Variants in VAV2 observed in about 807,000 individuals in gnomAD.
VAV2 encodes vav guanine nucleotide exchange factor 2, also known as guanine nucleotide exchange factor VAV2.
VAV2 carries 67 observed loss-of-function variants against 132.5 expected under a neutral mutation model. The ratio of observed to expected loss-of-function variants is 0.51; its 90% CI spans 0.42 to 0.62. The LOEUF (loss-of-function observed/expected upper bound fraction) is 0.62, where lower values mean the gene tolerates loss of function less well. Ranked by LOEUF, VAV2 falls within the 20% of genes least tolerant of loss-of-function variation. The pLI is 0.00. For synonymous variants in VAV2, 492 were observed against 443.5 expected (o/e 1.11, Z -1.37); for missense variants, 938 against 1,153.6 (o/e 0.81, Z 2.71).
At chr9:133,784,082 C>T (rs1202096699) in intron 18 of VAV2, among the ~76,000 whole-genome samples, 3 of 152,162 alleles carry the variant, frequency 2.0e-5, no homozygotes, top group Non-Finnish European at 4.4e-5. Flanking sequence ...AGTTTTGCCA[C>T]GTTGCCAGGC....
chr9:133,987,144 G>A (rs1215310466), intron 1 of VAV2, among the ~76,000 whole-genome samples: 2 of 152,154 alleles, frequency 1.3e-5, no homozygotes, highest in Non-Finnish European at 2.9e-5. Flanking sequence ...CCTGGAAGGG[G>A]GGCAGCCACA....
At chr9:133,797,857 G>T (rs767961970) in intron 9 of VAV2, 48 bp from the exon 10 acceptor site, 5 of 1,574,712 alleles carry the variant, frequency 3.2e-6, no homozygotes, top group Non-Finnish European at 4.3e-6. Flanking sequence ...TTAATGAGCA[G>T]CTCGGGGCTG....
At chr9:133,924,578 C>T (rs1429976224) in intron 2 of VAV2, among the ~76,000 whole-genome samples, 2 of 152,328 alleles carry the variant, frequency 1.3e-5, no homozygotes, top group Middle Eastern at 3.4e-3. Context: ...TACACTAAGT[C>T]ACCTACACTG....
chr9:133,887,297 T>C (rs1838750731), intron 2 of VAV2, among the ~76,000 whole-genome samples: 2 of 152,252 alleles, frequency 1.3e-5, no homozygotes, highest in East Asian at 3.9e-4. Context: ...CCAGACCCCC[T>C]TGGATGGGAA....
intron 25 of VAV2, among the ~76,000 whole-genome samples, chr9:133,772,653 G>A (rs1361856784): frequency 6.6e-6 from 1 of 151,172 alleles, no homozygotes; most frequent in Non-Finnish European, 1.5e-5. Flanking sequence ...GACATCACAA[G>A]AAAACTACAG....
chr9:133,853,270 T>C (rs900514952), intron 3 of VAV2, among the ~76,000 whole-genome samples: 2 of 152,154 alleles, frequency 1.3e-5, no homozygotes, highest in Admixed American at 1.3e-4. Flanking sequence ...GGGCCACTCA[T>C]TCCTTCCCAA....
intron 2 of VAV2, among the ~76,000 whole-genome samples, chr9:133,876,624 G>GCTT (rs1838276984): frequency 6.6e-6 from 1 of 152,208 alleles, no homozygotes; most frequent in Non-Finnish European, 1.5e-5. Flanking sequence ...GTGTTTGAGA[G>GCTT]ATGCTTCAGG....
chr9:133,984,837 G>A (rs902788054), intron 1 of VAV2, among the ~76,000 whole-genome samples: 2 of 151,888 alleles, frequency 1.3e-5, no homozygotes, highest in Admixed American at 6.6e-5. Flanking sequence ...GAACCGGGCA[G>A]GCAAAGGTTG....
At chr9:133,934,384 GA>G (rs995877617) in intron 2 of VAV2, among the ~76,000 whole-genome samples, 1 of 152,328 alleles carries the variant, frequency 6.6e-6, no homozygotes, top group African/African-American at 2.4e-5. Flanking sequence ...AACTTGACTG[GA>G]TGAAGGAACA....
chr9:133,863,437 C>A lies in VAV2; in HGVS notation c.322-2005G>T, dbSNP rs1317101922. ...TCGGGTCGTACAGATGGAACCGGGT[C>A]GTACAGATGGAACCGGAGACAGAGA... is the stretch of plus-strand genomic sequence containing the variant. On this transcript the variant is annotated intron_variant, in intron 2 of 29. Coordinates refer to ENST00000371850, the MANE Select transcript of VAV2 (RefSeq NM_001134398.2). The surrounding 1 kb of genome is among the most constrained non-coding windows in gnomAD (Gnocchi z 5.0). Among the ~76,000 whole-genome samples the A allele has an allele frequency of 6.9e-6, 1 of 145,982 alleles. No homozygotes were observed. The highest frequency in any genetic ancestry group is 1.5e-5 in the Non-Finnish European group (1 of 67,746).
intron 29 of VAV2, among the ~76,000 whole-genome samples, chr9:133,764,615 G>A (rs979483719): frequency 1.3e-5 from 2 of 152,128 alleles, no homozygotes; most frequent in Non-Finnish European, 2.9e-5. Flanking sequence ...TGAAACATAC[G>A]ATGAATGAAA....
intron 2 of VAV2, among the ~76,000 whole-genome samples, chr9:133,904,435 A>G (rs1839563463): frequency 6.6e-6 from 1 of 152,242 alleles, no homozygotes; most frequent in Non-Finnish European, 1.5e-5. Flanking sequence ...TGAAATTCAA[A>G]CCAGGAAGCA....
At chr9:133,806,981 A>G (rs906192836) in intron 8 of VAV2, among the ~76,000 whole-genome samples, 4 of 152,180 alleles carry the variant, frequency 2.6e-5, no homozygotes, top group Non-Finnish European at 5.9e-5. Context: ...GCTGACAAAA[A>G]CTTCATTTAC....
In VAV2 at chr9:133,791,751, C is replaced by A. The variant is rs369627454; in HGVS notation, c.1188+32G>T. 256 of 1,595,400 alleles carry A rather than the reference C, an allele frequency of 1.6e-4. 1 individual carries two copies. The Middle Eastern group carries it at 3.3e-3, about 21-fold the overall frequency. On this transcript the variant is annotated intron_variant, in intron 13 of 29. Transcript: ENST00000371850. ...ACTTTATAGGTACGTCCTCATCGAC[C>A]TTCCCTAGCCTGAAGAGTCAGTCTC...
chr9:133,854,546 C>T (rs975705527), intron 3 of VAV2, among the ~76,000 whole-genome samples: 2 of 152,222 alleles, frequency 1.3e-5, no homozygotes, highest in African/African-American at 4.8e-5. Context: ...GCAACAGAGG[C>T]CTGGGGTGTG....
intron 2 of VAV2, among the ~76,000 whole-genome samples, chr9:133,898,329 C>G (rs1302644190): frequency 6.6e-6 from 1 of 152,112 alleles, no homozygotes; most frequent in Non-Finnish European, 1.5e-5. Flanking sequence ...TGGTTCACAC[C>G]TGTAATCCCA....
Position 133,823,365 on chromosome 9 carries a change from G to A in VAV2, c.449+10907C>T, listed in dbSNP as rs1835867157. Among the ~76,000 whole-genome samples, 1 of 152,202 alleles carries A rather than the reference G, an allele frequency of 6.6e-6. No individual in the cohort carries two copies. The highest frequency in any genetic ancestry group is 6.5e-5 in the Admixed American group (1 of 15,282). On this transcript the variant is annotated intron_variant, in intron 4 of 29. Transcript: ENST00000371850. The surrounding 1 kb of genome is among the most constrained non-coding windows in gnomAD (Gnocchi z 5.5). Reference sequence around the variant, plus strand: ...GGTTGGGGGCTGCCTCTTAGAGAAGGTGACCTGTGGGTTGGGTTTTGTAGA... The same window carrying A: ...GGTTGGGGGCTGCCTCTTAGAGAAGATGACCTGTGGGTTGGGTTTTGTAGA...
chr9:133,849,859 C>G (rs1393032825), intron 3 of VAV2, among the ~76,000 whole-genome samples: 2 of 152,170 alleles, frequency 1.3e-5, no homozygotes, highest in Admixed American at 1.3e-4. Flanking sequence ...AGGGCCCAAC[C>G]AGGTAATTCA....
intron 4 of VAV2, among the ~76,000 whole-genome samples, chr9:133,816,444 T>C (rs556629499): frequency 6.4e-4 from 97 of 152,384 alleles, no homozygotes; most frequent in African/African-American, 2.1e-3. Flanking sequence ...TATCGGAACT[T>C]CATAGTTTTA....
Sources: allele counts gnomAD v4.1 joint callset (sites outside exome capture counted in the v4.1 genomes callset), GRCh38; gene constraint gnomAD v4.1.1; non-coding constraint Gnocchi (gnomAD v3.1); transcripts MANE v1.5; gene names NCBI Gene and HGNC (gene_info 2026-07-23, HGNC 2026-07-21).